ULBP1: variants seen among roughly 807,000 people sequenced by gnomAD.
ULBP1 encodes the protein UL16 binding protein 1.
In ULBP1, 28 loss-of-function variants were observed where a neutral mutation model predicts 25.3. The observed-to-expected ratio is 1.10, with a 90% CI of 0.82 to 1.51. The LOEUF (loss-of-function observed/expected upper bound fraction) is 1.51, where lower values mean the gene tolerates loss of function less well. Among genes scored for constraint, ULBP1 ranks in the 40% most tolerant of loss-of-function variants. The pLI, the probability that ULBP1 is intolerant of heterozygous loss-of-function variation, is 0.00. For synonymous variants in ULBP1, 129 were observed against 103.0 expected (o/e 1.25, Z -1.53); for missense variants, 348 against 290.9 (o/e 1.20, Z -1.43).
At position 149,963,985 on chromosome 6, in the gene ULBP1, C is replaced by G. The variant is rs537005403; in HGVS notation, c.-65C>G. ...GGGCCGGGCTGGGCAGCTTTATAAA[C>G]AGCCGTGGTGTGAGCCTCGAAGGGA... is the stretch of plus-strand genomic sequence containing the variant. On this transcript the variant is annotated 5_prime_UTR_variant, in exon 1 of 5. Transcript: ENST00000229708. 1 of 1,553,348 alleles carries G rather than the reference C, an allele frequency of 6.4e-7. No homozygotes were observed. Among genetic ancestry groups the G allele is most frequent in the African/African-American group, 1.4e-5 (1 of 73,350 alleles).
chr6:149,968,732 G>A lies in ULBP1; in HGVS notation c.211G>A (p.Ala71Thr). The A allele has an allele frequency of 3.7e-6, 6 of 1,614,222 alleles. No individual in the cohort carries two copies. Among genetic ancestry groups the A allele is most frequent in the Non-Finnish European group, 5.1e-6 (6 of 1,180,052 alleles). ...TCACTATGACTGTGTTAACCACAAG[G>A]CCAAAGCCTTTGCTTCTCTGGGGAA... ...FLHYDCVNHK[A>T]KAFASLGKKV... Residue 71 changes from alanine (A) to threonine (T), a missense_variant, in exon 2 of 5, where the codon GCC becomes ACC. By Grantham distance (58) the Ala-to-Thr change is moderately conservative (BLOSUM62 0). Transcript: ENST00000229708.
rs117168946 is a variant in ULBP1, at chr6:149,967,024, C to G, written c.86-1583C>G. 9.1e-3 allele frequency among the ~76,000 whole-genome samples: 1,382 copies of G among 152,322 alleles called. 15 individuals are homozygous for G. Among genetic ancestry groups the G allele is most frequent in the Middle Eastern group, 0.024 (7 of 294 alleles). On this transcript the variant is annotated intron_variant, in intron 1 of 4. Transcript: ENST00000229708. ...TATGGCTGCATCCCAGCTACAAGAG[C>G]AGAGTTAAGTAGTGACAGGGGAGGT...
At chr6:149,964,283 T>A in intron 1 of ULBP1, 149 bp downstream of exon 1, 1 of 841,050 alleles carries the variant, frequency 1.2e-6, no homozygotes, top group Non-Finnish European at 1.8e-6. Flanking sequence ...TCGCGGTCCC[T>A]CCGAACGTCG....
intron 4 of ULBP1, 146 bp from the exon 5 acceptor site, chr6:149,971,223 A>C: frequency 2.0e-6 from 1 of 488,578 alleles, no homozygotes; most frequent in Non-Finnish European, 2.7e-6. Flanking sequence ...AACAGGGTAC[A>C]GAGCCAGGGG....
intron 1 of ULBP1, among the ~76,000 whole-genome samples, chr6:149,965,083 T>TCC (rs886123713): frequency 6.5e-5 from 9 of 139,074 alleles, no homozygotes; most frequent in African/African-American, 2.2e-4. Context: ...CAGCGCGATC[T>TCC]CCCCGAATAT....
chr6:149,966,670 A>C (rs55994254), intron 1 of ULBP1, among the ~76,000 whole-genome samples: 27,937 of 150,194 alleles, frequency 0.19, 2,700 homozygotes, highest in East Asian at 0.34. Context: ...TGGGGCCTAT[A>C]TTCCTAATGA....
chr6:149,968,703 T>G lies in ULBP1; in HGVS notation c.182T>G (p.Phe61Cys), dbSNP rs1158235345. 6.2e-7 allele frequency: 1 copy of G among 1,614,250 alleles called. No individual in the cohort carries two copies. Among genetic ancestry groups the G allele is most frequent in the East Asian group, 2.2e-5 (1 of 44,896 alleles). Reference protein sequence around the residue: ...EVQGLVDERPFLHYDCVNHKA... With the variant: ...EVQGLVDERPCLHYDCVNHKA... ...CAAGGCCTGGTGGATGAAAGGCCTT[T>G]TCTTCACTATGACTGTGTTAACCAC... Residue 61 changes from phenylalanine to cysteine, a missense_variant, in exon 2 of 5, where the codon TTT becomes TGT. Phe to Cys is a radical substitution (Grantham distance 205, BLOSUM62 -2). Transcript: ENST00000229708.
rs1297485923 is a variant in ULBP1, at chr6:149,972,788, C to T, written c.*1442C>T. 1 of 152,154 alleles carries T rather than the reference C, an allele frequency of 6.6e-6. No homozygotes were observed. The highest frequency in any genetic ancestry group is 1.9e-4 in the East Asian group (1 of 5,198). 9.4% of individuals were successfully genotyped at this position (152,154 alleles called of 1,614,324 possible). ...CACTAATCATCAGATAAGTGCAAAT[C>T]AAAACTGCAATGAGTTACCATCTCT... is the stretch of plus-strand genomic sequence containing the variant. On this transcript the variant is annotated 3_prime_UTR_variant, in exon 5 of 5. Coordinates refer to ENST00000229708, the MANE Select transcript of ULBP1 (RefSeq NM_025218.4).
rs1010879290 is a variant in ULBP1, at chr6:149,971,868, G to C, written c.*522G>C. On this transcript the variant is annotated 3_prime_UTR_variant, in exon 5 of 5. Transcript: ENST00000229708. ...AGTTTCTCATTCTGTCAACCATATT[G>C]AAGTGAAGTGGCATAGTCTTCACTC... 2.0e-5 allele frequency: 3 copies of C among 151,972 alleles called. No homozygotes were observed. The highest frequency in any genetic ancestry group is 2.9e-5 in the Non-Finnish European group (2 of 68,028). The allele number at this position is 151,972 out of a possible 1,614,324, so 9.4% of individuals were successfully genotyped here.
intron 1 of ULBP1, among the ~76,000 whole-genome samples, chr6:149,966,838 C>T (rs1384665661): frequency 5.3e-5 from 8 of 152,178 alleles, no homozygotes; most frequent in Non-Finnish European, 7.3e-5. Context: ...CACAGCCTTG[C>T]TTCTGAGCAC....
In ULBP1 at chr6:149,969,373, G is replaced by A; in HGVS notation, c.625+13G>A. 1 of 1,610,054 alleles carries A rather than the reference G, an allele frequency of 6.2e-7. No individual in the cohort carries two copies. Among genetic ancestry groups the A allele is most frequent in the Non-Finnish European group, 8.5e-7 (1 of 1,177,034 alleles). On this transcript the variant is annotated intron_variant, in intron 3 of 4. Coordinates refer to ENST00000229708, the MANE Select transcript of ULBP1 (RefSeq NM_025218.4). Reference sequence around the variant, plus strand: ...CTGGATCCAACAAGTAAGTGAGAGGGGGATAAATGGAAGCTGTCTCGAGTT... The same window carrying A: ...CTGGATCCAACAAGTAAGTGAGAGGAGGATAAATGGAAGCTGTCTCGAGTT...
chr6:149,969,929 G>A (rs1363868537), intron 3 of ULBP1, 87 bp from the exon 4 acceptor site: 34 of 1,506,348 alleles, frequency 2.3e-5, no homozygotes, highest in South Asian at 2.2e-4. Context: ...TGCCTTCCAG[G>A]ATGACCTGGG....
At chr6:149,970,430 A>C (rs557061091) in intron 4 of ULBP1, among the ~76,000 whole-genome samples, 49 of 152,226 alleles carry the variant, frequency 3.2e-4, no homozygotes, top group Non-Finnish European at 5.9e-4. Context: ...GTTTCAGAGC[A>C]GGTTCCTATT....
intron 1 of ULBP1, among the ~76,000 whole-genome samples, chr6:149,965,475 A>G (rs1404754830): frequency 2.0e-5 from 3 of 152,226 alleles, no homozygotes; most frequent in Non-Finnish European, 2.9e-5. Context: ...AAGGCTACAG[A>G]GGGCAAGGTA....
Position 149,971,376 on chromosome 6 carries a change from G to A in ULBP1, c.*30G>A, listed in dbSNP as rs73779717. On this transcript the variant is annotated 3_prime_UTR_variant, in exon 5 of 5. Coordinates refer to ENST00000229708, the MANE Select transcript of ULBP1 (RefSeq NM_025218.4). ...GCTTCATCTTTTCTCAAGGTGGAAA[G>A]TGATATCAAGAAGCCTCTGTTAGCC... 48,447 of 985,260 alleles carry A rather than the reference G, an allele frequency of 0.049. 2,680 individuals are homozygous for A. The highest frequency in any genetic ancestry group is 0.34 in the East Asian group (3,012 of 8,800). 61.0% of individuals were successfully genotyped at this position (985,260 alleles called of 1,614,324 possible).
At chr6:149,970,892 A>G (rs750519118) in intron 4 of ULBP1, among the ~76,000 whole-genome samples, 9 of 152,320 alleles carry the variant, frequency 5.9e-5, no homozygotes, top group South Asian at 2.1e-4. Flanking sequence ...TCACCACTGA[A>G]CTTGGCCAGG....
Position 149,970,840 on chromosome 6 carries a change from G to A in ULBP1, c.*23-529G>A, listed in dbSNP as rs58307895. 3.0e-3 allele frequency among the ~76,000 whole-genome samples: 454 copies of A among 152,362 alleles called. 1 individual carries two copies. The highest frequency in any genetic ancestry group is 0.01 in the African/African-American group (434 of 41,592). On this transcript the variant is annotated intron_variant, in intron 4 of 4. Coordinates refer to ENST00000229708, the MANE Select transcript of ULBP1 (RefSeq NM_025218.4). ...CTGATGGCCCTGCCTGGAGCAGAGT[G>A]GACTCAGGCAGGGGAGCTGAGCTGC...
At position 149,972,189 on chromosome 6, in the gene ULBP1, TAGAG is replaced by T. The variant is rs1229392159; in HGVS notation, c.*846_*849del. ...TTATTTTATTTAGTAAATAAAATAATAGAGAGCCCAGAAATCAACCTGCACACCT... is the reference window on the plus strand; with the variant it reads ...TTATTTTATTTAGTAAATAAAATAATAGCCCAGAAATCAACCTGCACACCT... On this transcript the variant is annotated 3_prime_UTR_variant, in exon 5 of 5. Coordinates refer to ENST00000229708, the MANE Select transcript of ULBP1 (RefSeq NM_025218.4). 6.6e-6 allele frequency: 1 copy of T among 152,116 alleles called. No individual in the cohort carries two copies. Among genetic ancestry groups the T allele is most frequent in the Non-Finnish European group, 1.5e-5 (1 of 68,022 alleles). The allele number at this position is 152,116 out of a possible 1,614,324, so 9.4% of individuals were successfully genotyped here.
intron 3 of ULBP1, 34 bp downstream of exon 3, chr6:149,969,394 G>A (rs1178441165): frequency 2.5e-6 from 4 of 1,602,196 alleles, no homozygotes; most frequent in Admixed American, 3.4e-5. Flanking sequence ...AAGCTGTCTC[G>A]AGTTCAGATC....
Sources: gnomAD v4.1 joint callset for allele counts (sites outside exome capture counted in the v4.1 genomes callset) on GRCh38, gnomAD v4.1.1 for gene constraint, MANE v1.5 for transcripts, NCBI Gene and HGNC (gene_info 2026-07-23, HGNC 2026-07-21) for gene names.